The following REPS2 variants were observed in gnomAD, a reference collection of about 807,000 sequenced individuals.
The protein encoded by REPS2 is RALBP1 associated Eps domain containing 2.
In REPS2, 23 loss-of-function variants were observed where a neutral mutation model predicts 53.6. That is an observed-to-expected ratio of 0.43 (90% CI 0.31 to 0.61). The LOEUF is 0.61. Ranked by LOEUF, REPS2 falls within the 20% of genes least tolerant of loss-of-function variation. The pLI is 0.11. For missense variants in REPS2, 446 were observed against 534.9 expected (o/e 0.83, Z 1.64); for synonymous variants, 238 against 218.6 (o/e 1.09, Z -0.78).
At chrX:17,034,975 C>T (rs183083803) in intron 5 of REPS2, among the ~76,000 whole-genome samples, 3 of 110,666 alleles carry the variant, frequency 2.7e-5, no homozygotes, top group African/African-American at 6.6e-5. Flanking sequence ...ATCTCCTTTC[C>T]TCCTCATCTC....
At chrX:17,019,274 T>C (rs1220139813) in intron 2 of REPS2, among the ~76,000 whole-genome samples, 1 of 112,411 alleles carries the variant, frequency 8.9e-6, no homozygotes, top group African/African-American at 3.2e-5. Flanking sequence ...GTTCAAAGAA[T>C]GTAACCTAAG....
chrX:16,980,314 A>AT (rs1417077931), intron 1 of REPS2, among the ~76,000 whole-genome samples: 4 of 94,036 alleles, frequency 4.3e-5, no homozygotes, highest in Admixed American at 1.2e-4. Flanking sequence ...TTATTTTTAA[A>AT]TTTTTTTTAG....
rs1212064409 is a variant in REPS2 at position 17,059,270 on chromosome X, A to G, written c.1115-3168A>G. ...CATGATCCACCCGCCTCGGCCTCCG[A>G]AAGTGCTGGACAACACGCCCGGCCT... On this transcript the variant is annotated intron_variant, in intron 8 of 17. Transcript: ENST00000357277. Among the ~76,000 whole-genome samples, 7 of 106,749 alleles carry G rather than the reference A, an allele frequency of 6.6e-5. No homozygotes were observed. The Admixed American group carries it at 7.0e-4, about 11-fold the overall frequency. The allele number at this position is 106,749 out of a possible 115,157, so 92.7% of individuals were successfully genotyped here.
At chrX:16,978,327 C>T (rs769811818) in intron 1 of REPS2, among the ~76,000 whole-genome samples, 2 of 111,496 alleles carry the variant, frequency 1.8e-5, no homozygotes, top group East Asian at 2.8e-4. Flanking sequence ...AATACTTTCC[C>T]GGCCATCTGG....
intron 1 of REPS2, among the ~76,000 whole-genome samples, chrX:16,976,779 A>G (rs918896930): frequency 8.9e-6 from 1 of 111,999 alleles, no homozygotes; most frequent in Non-Finnish European, 1.9e-5. Context: ...GCATGGCCAT[A>G]TGTCCCTGTT....
chrX:17,131,568 A>G (rs1225516332), intron 14 of REPS2, among the ~76,000 whole-genome samples: 2 of 112,107 alleles, frequency 1.8e-5, no homozygotes, highest in African/African-American at 6.5e-5. Flanking sequence ...AGTATGATGT[A>G]GAAGTCACAT....
chrX:17,147,340 C>A (rs1569203608), intron 17 of REPS2, 73 bp from the exon 18 acceptor site: 1 of 831,700 alleles, frequency 1.2e-6, no homozygotes, highest in Non-Finnish European at 1.8e-6. Context: ...CCTTTTAAAT[C>A]TGATGAAGTA....
At chrX:17,019,321 G>A (rs193198530) in intron 2 of REPS2, among the ~76,000 whole-genome samples, 107 of 111,980 alleles carry the variant, frequency 9.6e-4, no homozygotes, top group African/African-American at 3.3e-3. Flanking sequence ...ATCTTGGATG[G>A]CCACTCTCAT....
In REPS2 at chrX:17,135,381, A is replaced by G; in HGVS notation, c.1783A>G (p.Met595Val). 1.7e-6 allele frequency: 2 copies of G among 1,210,651 alleles called. No homozygotes were observed. The highest frequency in any genetic ancestry group is 1.1e-6 in the Non-Finnish European group (1 of 895,240). Reference protein sequence around the residue: ...AASGPASAATMKPHPTVQKQS... With the variant: ...AASGPASAATVKPHPTVQKQS... ...AAGTGGGCCAGCTTCTGCGGCAACCATGAAACCGCATCCAACAGTCCAAAA... is the reference window on the plus strand; with the variant it reads ...AAGTGGGCCAGCTTCTGCGGCAACCGTGAAACCGCATCCAACAGTCCAAAA... The change falls in exon 16 of 18, where the codon ATG becomes GTG. Residue 595 changes from methionine to valine, a missense_variant. Coordinates refer to ENST00000357277, the MANE Select transcript of REPS2 (RefSeq NM_004726.3).
chrX:17,087,267 A>G (rs2062550149), intron 13 of REPS2, among the ~76,000 whole-genome samples: 1 of 112,103 alleles, frequency 8.9e-6, no homozygotes, highest in African/African-American at 3.2e-5. Context: ...AAAACTCTTC[A>G]GGACCTACTA....
chrX:17,014,785 G>A (rs778461721), intron 2 of REPS2, among the ~76,000 whole-genome samples: 2 of 112,660 alleles, frequency 1.8e-5, no homozygotes, highest in African/African-American at 6.4e-5. Flanking sequence ...ACTAAGGCAA[G>A]TCTTGCTCTC....
rs2063537016 is a variant in REPS2 at position 17,148,408 on chromosome X, C to T, written c.*927C>T. On this transcript the variant is annotated 3_prime_UTR_variant, in exon 18 of 18. Coordinates refer to ENST00000357277, the MANE Select transcript of REPS2 (RefSeq NM_004726.3). ...TTGATAAACATTTGTTGTTTGAACCCAGCTATCCAAACTGGGGAAGAAGGG... is the reference window on the plus strand; with the variant it reads ...TTGATAAACATTTGTTGTTTGAACCTAGCTATCCAAACTGGGGAAGAAGGG... 8.9e-6 allele frequency: 1 copy of T among 112,501 alleles called. No individual in the cohort carries two copies. The highest frequency in any genetic ancestry group is 9.4e-5 in the Admixed American group (1 of 10,624). 9.3% of individuals were successfully genotyped at this position (112,501 alleles called of 1,213,427 possible).
chrX:17,031,387 C>T (rs1324790328), intron 5 of REPS2, among the ~76,000 whole-genome samples: 4 of 112,007 alleles, frequency 3.6e-5, no homozygotes, highest in African/African-American at 9.7e-5. Context: ...TGGATTGGCA[C>T]CCTGTGGCTT....
rs777297988 is a variant in REPS2, at chrX:17,026,145, C to G, written c.673+960C>G. On this transcript the variant is annotated intron_variant, in intron 4 of 17. Transcript: ENST00000357277. The stretch of plus-strand genomic sequence containing the variant: ...TTGGAAGCAGAAGGTGTGTGGGTTT[C>G]TGTGACTAGCTGTAGGACTTTGGGC... Among the ~76,000 whole-genome samples the G allele has an allele frequency of 2.1e-4, 23 of 112,096 alleles. 1 individual carries two copies. The South Asian group carries it at 7.4e-3, about 36-fold the overall frequency.
At chrX:17,064,544 A>G (rs1422371131) in intron 9 of REPS2, among the ~76,000 whole-genome samples, 1 of 112,513 alleles carries the variant, frequency 8.9e-6, no homozygotes, top group Non-Finnish European at 1.9e-5. Context: ...ATTTCCATTA[A>G]GAATTACAGA....
intron 11 of REPS2, among the ~76,000 whole-genome samples, chrX:17,073,507 A>G (rs900618694): frequency 8.9e-6 from 1 of 112,009 alleles, no homozygotes; most frequent in Non-Finnish European, 1.9e-5. Flanking sequence ...AGGAAAAGTC[A>G]TATGGCTGGG....
rs1221683505 is a variant in REPS2, at chrX:17,025,071, T to C, written c.559T>C (p.Ser187Pro). The C allele has an allele frequency of 2.5e-6, 3 of 1,211,428 alleles. No individual in the cohort carries two copies. Among genetic ancestry groups the C allele is most frequent in the Non-Finnish European group, 3.4e-6 (3 of 895,378 alleles). ...TGGTTCTTTGAAGCAGGAAACACAG[T>C]CTCCCACGATGTCACCCCTCGCCTC... ...DDEDKQQETQ[S>P]PTMSPLASPP... Residue 187 changes from serine (S) to proline (P), a missense_variant, in exon 4 of 18, where the codon TCT (serine) becomes CCT (proline). Physicochemically the swap from Ser to Pro is moderately conservative, Grantham distance 74. Coordinates refer to ENST00000357277, the MANE Select transcript of REPS2 (RefSeq NM_004726.3).
intron 1 of REPS2, among the ~76,000 whole-genome samples, chrX:16,949,809 G>A (rs1245603547): frequency 1.8e-5 from 2 of 110,643 alleles, no homozygotes; most frequent in African/African-American, 3.3e-5. Flanking sequence ...CGACACACCC[G>A]TAGCTTTCCT....
At chrX:17,135,579 A>G (rs2063355263) in intron 16 of REPS2, 173 bp downstream of exon 16, 6 of 561,008 alleles carry the variant, frequency 1.1e-5, no homozygotes, top group African/African-American at 7.0e-5. Context: ...AGAAGGCTTT[A>G]TAAGCTATAG....
Sources: gnomAD v4.1 joint callset for allele counts (sites outside exome capture counted in the v4.1 genomes callset) on GRCh38, gnomAD v4.1.1 for gene constraint, MANE v1.5 for transcripts, NCBI Gene and HGNC (gene_info 2026-07-23, HGNC 2026-07-21) for gene names.